The following EPHB1 variants were observed in gnomAD, a reference collection of about 807,000 sequenced individuals.
The protein encoded by EPHB1 is ephrin type-B receptor 1.
A neutral mutation model predicts 94.4 loss-of-function variants in EPHB1; 30 were observed. That is an observed-to-expected ratio of 0.32 (90% confidence interval 0.24 to 0.43). The LOEUF is 0.43. EPHB1 is among the 20% of genes least tolerant of loss of function. EPHB1 has a pLI of 1.00. For missense variants in EPHB1, 1,055 were observed against 1,308.3 expected (o/e 0.81, Z 2.99); for synonymous variants, 522 against 489.1 (o/e 1.07, Z -0.89).
At chr3:135,022,262 G>GC in intron 3 of EPHB1, among the ~76,000 whole-genome samples, 1 of 152,284 alleles carries the variant, frequency 6.6e-6, no homozygotes, top group Non-Finnish European at 1.5e-5. Flanking sequence ...GAGCCACCGC[G>GC]CCCGGCCTGT....
At chr3:134,819,412 C>G (rs1317114862) in intron 1 of EPHB1, among the ~76,000 whole-genome samples, 1 of 152,140 alleles carries the variant, frequency 6.6e-6, no homozygotes, top group African/African-American at 2.4e-5. Context: ...TCTCCCAGAC[C>G]AGGTTCTCAT....
rs1447466561 is a variant in EPHB1, at chr3:134,879,638, C to T, written c.59-46178C>T. Among the ~76,000 whole-genome samples, 5 of 151,934 alleles carry T rather than the reference C, an allele frequency of 3.3e-5. No individual in the cohort carries two copies. The East Asian group carries it at 7.7e-4, about 24-fold the overall frequency. ...CTGTACTCCAGCCTGGGAGACAGAG[C>T]GAGATCCTGTCTCCAAATAAATAAA... On this transcript the variant is annotated intron_variant, in intron 1 of 15. Coordinates refer to ENST00000398015, the MANE Select transcript of EPHB1 (RefSeq NM_004441.5).
At chr3:134,997,952 A>G (rs1169092613) in intron 3 of EPHB1, among the ~76,000 whole-genome samples, 1 of 152,190 alleles carries the variant, frequency 6.6e-6, no homozygotes, top group Non-Finnish European at 1.5e-5. Flanking sequence ...GGCGGGGTTA[A>G]TAGCTTATTC....
intron 1 of EPHB1, among the ~76,000 whole-genome samples, chr3:134,919,841 G>GGT (rs10663205): frequency 0.068 from 10,185 of 149,684 alleles, 446 homozygotes; most frequent in Middle Eastern, 0.14. Context: ...TTAGGGCAGG[G>GGT]GTGTGTGTGT....
Position 134,844,731 on chromosome 3 carries a change from C to G in EPHB1, c.58+49042C>G, listed in dbSNP as rs373390902. On this transcript the variant is annotated intron_variant, in intron 1 of 15. Transcript: ENST00000398015. Reference sequence around the variant, plus strand: ...CTTACTCAAACTCCCGTCTTTGATACATAAATACTTCTCAGATTGTTGAAC... The same window carrying G: ...CTTACTCAAACTCCCGTCTTTGATAGATAAATACTTCTCAGATTGTTGAAC... 4.3e-4 allele frequency among the ~76,000 whole-genome samples: 65 copies of G among 152,340 alleles called. 2 individuals carry two copies. In the South Asian group the frequency reaches 0.013, roughly 30 times the overall value.
rs377240945 is a variant in EPHB1, at chr3:134,795,553, G to T, written c.-79G>T. 10 of 1,399,680 alleles carry T rather than the reference G, an allele frequency of 7.1e-6. No individual in the cohort carries two copies. The highest frequency in any genetic ancestry group is 1.5e-5 in the African/African-American group (1 of 66,658). 86.7% of individuals were successfully genotyped at this position (1,399,680 alleles called of 1,614,324 possible). ...TACCGAGAAGCCACCCGCGGAGAGC[G>T]CAGCGGCGCCCTGGGACGCGGCGCT... On this transcript the variant is annotated 5_prime_UTR_variant, in exon 1 of 16. Coordinates refer to ENST00000398015, the MANE Select transcript of EPHB1 (RefSeq NM_004441.5).
At chr3:135,068,699 A>C (rs968273052) in intron 3 of EPHB1, among the ~76,000 whole-genome samples, 2 of 149,438 alleles carry the variant, frequency 1.3e-5, no homozygotes, top group African/African-American at 4.9e-5. Context: ...CCCAGGTTGG[A>C]GTGCAGTGGC....
At chr3:135,088,476 G>C (rs1559824941) in intron 3 of EPHB1, among the ~76,000 whole-genome samples, 1 of 152,194 alleles carries the variant, frequency 6.6e-6, no homozygotes, top group Non-Finnish European at 1.5e-5. Context: ...TAAAAATACA[G>C]GGTTTTTTTT....
chr3:135,221,140 T>C (rs1326372331), intron 12 of EPHB1, among the ~76,000 whole-genome samples: 1 of 152,236 alleles, frequency 6.6e-6, no homozygotes, highest in Non-Finnish European at 1.5e-5. Context: ...AGCTGGATAT[T>C]CTACCCTGAG....
intron 3 of EPHB1, among the ~76,000 whole-genome samples, chr3:135,054,641 CA>C (rs1178241070): frequency 2.6e-5 from 4 of 152,110 alleles, no homozygotes; most frequent in Middle Eastern, 3.2e-3. Flanking sequence ...CACCAGCTAG[CA>C]CGGATGTTAG....
chr3:135,089,708 C>G (rs1938490437), intron 3 of EPHB1, among the ~76,000 whole-genome samples: 2 of 152,220 alleles, frequency 1.3e-5, no homozygotes, highest in Admixed American at 6.5e-5. Flanking sequence ...ACCTGTCCAG[C>G]TAGGCTCCTG....
chr3:135,154,767 T>TA (rs1422044407), intron 6 of EPHB1, among the ~76,000 whole-genome samples: 2 of 152,148 alleles, frequency 1.3e-5, no homozygotes, highest in Admixed American at 1.3e-4. Flanking sequence ...AAGGATGAGA[T>TA]AAAAATTAAC....
At chr3:135,014,847 A>G (rs1935739852) in intron 3 of EPHB1, among the ~76,000 whole-genome samples, 1 of 151,812 alleles carries the variant, frequency 6.6e-6, no homozygotes, top group Non-Finnish European at 1.5e-5. Context: ...GGCATAAATC[A>G]CCCTCTCTTT....
At chr3:135,122,907 G>C (rs1268488923) in intron 4 of EPHB1, among the ~76,000 whole-genome samples, 1 of 152,122 alleles carries the variant, frequency 6.6e-6, no homozygotes, top group African/African-American at 2.4e-5. Flanking sequence ...CCTGAGTACA[G>C]GCCCAGTGTT....
chr3:135,007,923 GAC>G lies in EPHB1; in HGVS notation c.805+55875_805+55876del, dbSNP rs987733281. Among the ~76,000 whole-genome samples the G allele has an allele frequency of 2.1e-4, 32 of 152,186 alleles. 1 individual carries two copies. ...ACATCCCATTTCTCAGGGATGACGG[GAC>G]ACAGTTATTTAACAGAATTATTACT... On this transcript the variant is annotated intron_variant, in intron 3 of 15. Transcript: ENST00000398015.
At chr3:135,053,291 T>G (rs1937249282) in intron 3 of EPHB1, among the ~76,000 whole-genome samples, 1 of 151,800 alleles carries the variant, frequency 6.6e-6, no homozygotes, top group Non-Finnish European at 1.5e-5. Flanking sequence ...TAACAAAATA[T>G]CATATGGAGC....
chr3:135,083,625 T>C (rs558947339), intron 3 of EPHB1, among the ~76,000 whole-genome samples: 13 of 151,898 alleles, frequency 8.6e-5, no homozygotes, highest in Non-Finnish European at 1.8e-4. Context: ...GGGGGATTAA[T>C]TTCTGTCACC....
chr3:135,249,102 G>A (rs1232092532), intron 14 of EPHB1, among the ~76,000 whole-genome samples: 1 of 152,200 alleles, frequency 6.6e-6, no homozygotes, highest in Non-Finnish European at 1.5e-5. Context: ...CAACCTGTCT[G>A]TCTGGGTTAA....
intron 1 of EPHB1, among the ~76,000 whole-genome samples, chr3:134,854,621 G>A (rs2037072069): frequency 6.6e-6 from 1 of 152,176 alleles, no homozygotes; most frequent in African/African-American, 2.4e-5. Context: ...AGCAGGGACA[G>A]CCAGGCTTCT....
Sources: allele counts gnomAD v4.1 joint callset (sites outside exome capture counted in the v4.1 genomes callset), GRCh38; gene constraint gnomAD v4.1.1; transcripts MANE v1.5; gene names NCBI Gene and HGNC (gene_info 2026-07-23, HGNC 2026-07-21).